The following RCAN1 variants were observed in gnomAD, a reference collection of about 807,000 sequenced individuals.
RCAN1 encodes the protein calcipressin-1.
RCAN1 carries 11 observed loss-of-function variants against 22.9 expected under a neutral mutation model. The ratio of observed to expected loss-of-function variants is 0.48; its 90% CI spans 0.30 to 0.79. The LOEUF (loss-of-function observed/expected upper bound fraction) is 0.79. Ranked by LOEUF, RCAN1 falls within the 30% of genes least tolerant of loss-of-function variation. The probability of loss-of-function intolerance (pLI) is 0.06; values close to 1 mark genes in which losing one functional copy is unlikely to be tolerated. For missense variants in RCAN1, 291 were observed against 337.8 expected (o/e 0.86, Z 1.09); for synonymous variants, 136 against 142.3 (o/e 0.96, Z 0.32).
intron 1 of RCAN1, among the ~76,000 whole-genome samples, chr21:34,538,672 G>T (rs1035558852): frequency 1.3e-5 from 2 of 152,226 alleles, no homozygotes; most frequent in African/African-American, 4.8e-5. Flanking sequence ...GGAGCTTTGA[G>T]GATGAGACGA....
In RCAN1 at chr21:34,545,079, T is replaced by C. The variant is rs1601158828; in HGVS notation, c.253-21369A>G. On this transcript the variant is annotated intron_variant, in intron 1 of 3. Coordinates refer to ENST00000313806, the MANE Select transcript of RCAN1 (RefSeq NM_004414.7). ...CGTCTCCCGAGTCCCATGCCTGCCA[T>C]CATGGTGCGGGCTGGACCAGCCTTC... Among the ~76,000 whole-genome samples, 5 of 152,224 alleles carry C rather than the reference T, an allele frequency of 3.3e-5. 1 individual carries two copies. The highest frequency in any genetic ancestry group is 3.3e-4 in the Admixed American group (5 of 15,288).
intron 3 of RCAN1, among the ~76,000 whole-genome samples, chr21:34,520,864 T>C (rs1045516690): frequency 1.3e-5 from 2 of 152,198 alleles, no homozygotes; most frequent in African/African-American, 4.8e-5. Flanking sequence ...AAGGCCCACA[T>C]TTTGGACAAA....
At chr21:34,599,119 C>T (rs1172074368) in intron 1 of RCAN1, among the ~76,000 whole-genome samples, 2 of 152,138 alleles carry the variant, frequency 1.3e-5, no homozygotes, top group Non-Finnish European at 2.9e-5. Flanking sequence ...AGTAACCATA[C>T]CTCCTGGCTC....
At chr21:34,548,253 A>C (rs2834526) in intron 1 of RCAN1, among the ~76,000 whole-genome samples, 36,748 of 152,130 alleles carry the variant, frequency 0.24, 5,189 homozygotes, top group African/African-American at 0.39. Flanking sequence ...CTCTTTGAGA[A>C]GAACTGAATT....
intron 1 of RCAN1, among the ~76,000 whole-genome samples, chr21:34,591,196 C>G (rs550047934): frequency 6.6e-6 from 1 of 152,266 alleles, no homozygotes; most frequent in East Asian, 1.9e-4. Context: ...ATAATGTAGC[C>G]GTGAACAAAA....
chr21:34,521,305 A>G (rs1411504547), intron 3 of RCAN1, 194 bp downstream of exon 3: 1 of 1,475,684 alleles, frequency 6.8e-7, no homozygotes, highest in Non-Finnish European at 9.0e-7. Context: ...AGTCTCTCTA[A>G]CACTGCAGGT....
chr21:34,598,544 G>T (rs1568929950), intron 1 of RCAN1, among the ~76,000 whole-genome samples: 1 of 152,188 alleles, frequency 6.6e-6, no homozygotes, highest in Non-Finnish European at 1.5e-5. Context: ...AGAATGTCCA[G>T]TGAATTAAAA....
chr21:34,599,026 G>A (rs1169817846), intron 1 of RCAN1, among the ~76,000 whole-genome samples: 1 of 152,158 alleles, frequency 6.6e-6, no homozygotes, highest in Non-Finnish European at 1.5e-5. Context: ...AATGTGGGCA[G>A]AGAGGAACTC....
chr21:34,550,292 A>G (rs778529702), intron 1 of RCAN1, among the ~76,000 whole-genome samples: 5 of 152,348 alleles, frequency 3.3e-5, no homozygotes, highest in Middle Eastern at 3.4e-3. Context: ...CAGTTTTGCA[A>G]ATTCAAAGTG....
At chr21:34,537,948 G>T (rs570043184) in intron 1 of RCAN1, among the ~76,000 whole-genome samples, 2 of 152,330 alleles carry the variant, frequency 1.3e-5, no homozygotes, top group East Asian at 3.9e-4. Context: ...AAATTATGCT[G>T]TAAATGCCAG....
At chr21:34,609,329 G>T (rs1988623408) in intron 1 of RCAN1, among the ~76,000 whole-genome samples, 1 of 152,282 alleles carries the variant, frequency 6.6e-6, no homozygotes, top group Middle Eastern at 3.4e-3. Context: ...AACTGTATGT[G>T]AAATGACTGG....
chr21:34,555,134 T>A (rs2834533), intron 1 of RCAN1, among the ~76,000 whole-genome samples: 3 of 151,972 alleles, frequency 2.0e-5, no homozygotes, highest in Non-Finnish European at 4.4e-5. Flanking sequence ...CTATGAGACA[T>A]ATGAAAACAG....
chr21:34,605,417 C>T (rs1988492198), intron 1 of RCAN1, among the ~76,000 whole-genome samples: 1 of 152,178 alleles, frequency 6.6e-6, no homozygotes, highest in African/African-American at 2.4e-5. Context: ...TTTAACTCCT[C>T]TTTATATATA....
At chr21:34,602,351 A>C (rs1019890895) in intron 1 of RCAN1, among the ~76,000 whole-genome samples, 3 of 152,114 alleles carry the variant, frequency 2.0e-5, no homozygotes, top group African/African-American at 4.8e-5. Context: ...CCCCACAACC[A>C]ACAAGCTCTA....
Position 34,518,870 on chromosome 21 carries a change from G to A in RCAN1, c.587-614C>T, listed in dbSNP as rs1341361226. On this transcript the variant is annotated intron_variant, in intron 3 of 3. Transcript: ENST00000313806. This position sits in a 1 kb window ranked among gnomAD's most constrained non-coding sequence, Gnocchi z 4.2. ...TCTATGTCAGCCTGAGTTCTACCAG[G>A]TTGGCCAAGTTCAGGCCACTCTGGT... Among the ~76,000 whole-genome samples, 1 of 152,194 alleles carries A rather than the reference G, an allele frequency of 6.6e-6. No homozygotes were observed. The highest frequency in any genetic ancestry group is 1.5e-5 in the Non-Finnish European group (1 of 68,034).
At chr21:34,588,278 G>A (rs976940184) in intron 1 of RCAN1, among the ~76,000 whole-genome samples, 2 of 152,060 alleles carry the variant, frequency 1.3e-5, no homozygotes, top group Non-Finnish European at 2.9e-5. Context: ...AGGTCAGCAT[G>A]GTGGGTAACT....
rs59150851 is a variant in RCAN1, at chr21:34,530,616, G to GTTTTTTT, written c.253-6913_253-6907dup. Among the ~76,000 whole-genome samples, 240 of 66,124 alleles carry GTTTTTTT rather than the reference G, an allele frequency of 3.6e-3. 14 individuals are homozygous for GTTTTTTT. Among genetic ancestry groups the GTTTTTTT allele is most frequent in the Middle Eastern group, 0.014 (2 of 138 alleles). The allele number at this position is 66,124 out of a possible 152,430, so 43.4% of individuals were successfully genotyped here. Reference sequence around the variant, plus strand: ...TTTTTGCTTCTAAGATAGTGAAATAGTTTTTTTTTTTTTTTTTTTTTTTTT... The same window carrying GTTTTTTT: ...TTTTTGCTTCTAAGATAGTGAAATAGTTTTTTTTTTTTTTTTTTTTTTTTTTTTTTTT... On this transcript the variant is annotated intron_variant, in intron 1 of 3. Coordinates refer to ENST00000313806, the MANE Select transcript of RCAN1 (RefSeq NM_004414.7).
chr21:34,548,243 C>A (rs1986223131), intron 1 of RCAN1, among the ~76,000 whole-genome samples: 1 of 152,208 alleles, frequency 6.6e-6, no homozygotes, highest in Non-Finnish European at 1.5e-5. Flanking sequence ...CATTTTACTA[C>A]TCTTTGAGAA....
At chr21:34,527,381 C>CA (rs1568886725) in intron 1 of RCAN1, among the ~76,000 whole-genome samples, 1 of 152,052 alleles carries the variant, frequency 6.6e-6, no homozygotes, top group Non-Finnish European at 1.5e-5. Context: ...CTGTCTTGGT[C>CA]AATAAAAATT....
Sources: gnomAD v4.1 joint callset for allele counts (sites outside exome capture counted in the v4.1 genomes callset) on GRCh38, gnomAD v4.1.1 for gene constraint, Gnocchi (gnomAD v3.1) non-coding constraint, MANE v1.5 for transcripts, NCBI Gene and HGNC (gene_info 2026-07-23, HGNC 2026-07-21) for gene names.